The following MOSMO variants were observed in gnomAD, a reference collection of about 807,000 sequenced individuals.
The protein encoded by MOSMO is modulator of smoothened protein.
Under a neutral mutation model 18.4 loss-of-function variants are expected in MOSMO, and 5 were observed. The ratio of observed to expected loss-of-function variants is 0.27; its 90% CI spans 0.14 to 0.57. The LOEUF is 0.57. MOSMO is among the 20% of genes least tolerant of loss of function. The pLI, the probability that MOSMO is intolerant of heterozygous loss-of-function variation, is 0.92. For missense variants in MOSMO, 138 were observed against 211.8 expected (o/e 0.65, Z 2.16); for synonymous variants, 82 against 82.3 (o/e 1.00, Z 0.02).
At chr16:22,031,212 A>C (rs941809025) in intron 1 of MOSMO, among the ~76,000 whole-genome samples, 1 of 152,250 alleles carries the variant, frequency 6.6e-6, no homozygotes, top group African/African-American at 2.4e-5. Flanking sequence ...CAGAGGTTTA[A>C]AAGAATATAT....
intron 1 of MOSMO, among the ~76,000 whole-genome samples, chr16:22,069,232 G>A (rs1900801625): frequency 6.6e-6 from 1 of 152,172 alleles, no homozygotes; most frequent in Non-Finnish European, 1.5e-5. Flanking sequence ...AGGTTTGATA[G>A]AGTATTGTAG....
chr16:22,074,557 A>G (rs2141779083), intron 1 of MOSMO, among the ~76,000 whole-genome samples: 1 of 152,330 alleles, frequency 6.6e-6, no homozygotes, highest in East Asian at 1.9e-4. Context: ...ATTGAGAAGT[A>G]CCATTGAAAA....
At chr16:22,021,450 A>T (rs141061871) in intron 1 of MOSMO, among the ~76,000 whole-genome samples, 25 of 152,234 alleles carry the variant, frequency 1.6e-4, no homozygotes, top group Non-Finnish European at 3.4e-4. Flanking sequence ...CTTACTTGAA[A>T]ATAAAAGTGA....
At chr16:22,072,416 C>G (rs568832386) in intron 1 of MOSMO, among the ~76,000 whole-genome samples, 40 of 152,188 alleles carry the variant, frequency 2.6e-4, no homozygotes, top group Non-Finnish European at 4.7e-4. Flanking sequence ...TGCATTAGCC[C>G]TTGCATATTT....
intron 1 of MOSMO, among the ~76,000 whole-genome samples, chr16:22,031,534 C>G (rs1899993800): frequency 6.6e-6 from 1 of 152,114 alleles, no homozygotes; most frequent in African/African-American, 2.4e-5. Context: ...CTCCAACTAC[C>G]CTAGTCCTAA....
chr16:22,055,407 A>G (rs1361488382), intron 1 of MOSMO, among the ~76,000 whole-genome samples: 4 of 152,222 alleles, frequency 2.6e-5, no homozygotes, highest in African/African-American at 7.2e-5. Context: ...GGACGCTGAA[A>G]TGAACTACAT....
rs1598029351 is a variant in MOSMO, at chr16:22,082,010, T to A, written c.*1130T>A. On this transcript the variant is annotated 3_prime_UTR_variant, in exon 3 of 3. Transcript: ENST00000542527. ...AATTATTGGCAACTGTTGTCTGTTG[T>A]ACAGAGATTCTTTTTCTACTGGCTC... The A allele has an allele frequency of 6.6e-6, 1 of 152,204 alleles. No homozygotes were observed. Among genetic ancestry groups the A allele is most frequent in the East Asian group, 1.9e-4 (1 of 5,204 alleles). The allele number at this position is 152,204 out of a possible 1,614,324, so 9.4% of individuals were successfully genotyped here.
At chr16:22,074,474 A>G (rs1900924385) in intron 1 of MOSMO, among the ~76,000 whole-genome samples, 1 of 152,156 alleles carries the variant, frequency 6.6e-6, no homozygotes, top group Admixed American at 6.5e-5. Context: ...TAGCTCCAGA[A>G]ATTTCCATTC....
At chr16:22,036,487 A>T (rs1307616255) in intron 1 of MOSMO, among the ~76,000 whole-genome samples, 1 of 151,890 alleles carries the variant, frequency 6.6e-6, no homozygotes, top group African/African-American at 2.4e-5. Flanking sequence ...CTGCTCTGTC[A>T]CTCAGGCTGG....
chr16:22,043,119 A>G (rs1445142504), intron 1 of MOSMO, among the ~76,000 whole-genome samples: 1 of 152,210 alleles, frequency 6.6e-6, no homozygotes, highest in African/African-American at 2.4e-5. Flanking sequence ...AAGATCAACA[A>G]TTAAAGACAT....
intron 1 of MOSMO, among the ~76,000 whole-genome samples, chr16:22,067,446 G>T (rs910035208): frequency 6.6e-6 from 1 of 152,188 alleles, no homozygotes; most frequent in African/African-American, 2.4e-5. Flanking sequence ...AGAGAATCTT[G>T]AAGGGAGCAG....
In MOSMO at chr16:22,060,837, C is replaced by T. The variant is rs571728528; in HGVS notation, c.107-14650C>T. ...GCAGTGAGCCGAGATCGCATCATTGCACTCTAGCCTGGGCAACAGGAGCAA... is the reference window on the plus strand; with the variant it reads ...GCAGTGAGCCGAGATCGCATCATTGTACTCTAGCCTGGGCAACAGGAGCAA... On this transcript the variant is annotated intron_variant, in intron 1 of 2. Transcript: ENST00000542527. 4.0e-5 allele frequency among the ~76,000 whole-genome samples: 6 copies of T among 151,672 alleles called. No homozygotes were observed. In the South Asian group the frequency reaches 1.2e-3, roughly 31 times the overall value.
chr16:22,082,035 C>T lies in MOSMO; in HGVS notation c.*1155C>T, dbSNP rs1396153320. On this transcript the variant is annotated 3_prime_UTR_variant, in exon 3 of 3. Transcript: ENST00000542527. ...TACAGAGATTCTTTTTCTACTGGCT[C>T]AGTCTGTTACATTAATAATGCATTT... 2.0e-5 allele frequency: 3 copies of T among 152,128 alleles called. No individual in the cohort carries two copies. The highest frequency in any genetic ancestry group is 2.0e-4 in the Admixed American group (3 of 15,270). The allele number at this position is 152,128 out of a possible 1,614,324, so 9.4% of individuals were successfully genotyped here. A position where few individuals can be genotyped will look rare whatever the true frequency, so the allele number is the denominator to read the frequency against.
downstream of MOSMO, among the ~76,000 whole-genome samples, chr16:22,089,615 C>A (rs1256475815): frequency 6.6e-6 from 1 of 151,016 alleles, no homozygotes; most frequent in Non-Finnish European, 1.5e-5. Context: ...AGTCCCTCAC[C>A]CCACCCCACC....
chr16:22,072,236 AG>A (rs1209713769), intron 1 of MOSMO, among the ~76,000 whole-genome samples: 1 of 152,170 alleles, frequency 6.6e-6, no homozygotes, highest in Non-Finnish European at 1.5e-5. Context: ...GCCTGGTGAA[AG>A]TTCGGGTACT....
intron 1 of MOSMO, among the ~76,000 whole-genome samples, chr16:22,047,264 A>G (rs992199523): frequency 1.7e-4 from 9 of 52,564 alleles, no homozygotes; most frequent in Non-Finnish European, 3.1e-4. Flanking sequence ...TTTTTTTTTT[A>G]GACGGAGTCT....
chr16:22,022,127 A>T (rs1899775855), intron 1 of MOSMO, among the ~76,000 whole-genome samples: 1 of 151,914 alleles, frequency 6.6e-6, no homozygotes, highest in African/African-American at 2.4e-5. Context: ...ACTGAAGGCA[A>T]TCTGATGTTT....
intron 1 of MOSMO, among the ~76,000 whole-genome samples, chr16:22,016,935 G>A (rs1410652882): frequency 6.6e-6 from 1 of 152,176 alleles, no homozygotes; most frequent in Non-Finnish European, 1.5e-5. Flanking sequence ...TGGTAGTACA[G>A]TTGGAGTATC....
chr16:22,078,023 A>G (rs1348626334), intron 2 of MOSMO, among the ~76,000 whole-genome samples: 1 of 152,084 alleles, frequency 6.6e-6, no homozygotes, highest in African/African-American at 2.4e-5. Context: ...GGCCGTGCAC[A>G]GTGGGGAAAT....
Sources: allele counts gnomAD v4.1 joint callset (sites outside exome capture counted in the v4.1 genomes callset), GRCh38; gene constraint gnomAD v4.1.1; transcripts MANE v1.5; gene names NCBI Gene and HGNC (gene_info 2026-07-23, HGNC 2026-07-21).